Variants in SLC36A4 observed in about 807,000 individuals in gnomAD.
The protein encoded by SLC36A4 is neutral amino acid uniporter 4.
In SLC36A4, 49 loss-of-function variants were observed where a neutral mutation model predicts 50.5. The ratio of observed to expected loss-of-function variants is 0.97; its 90% CI spans 0.77 to 1.23. The LOEUF is 1.23. Ranked by LOEUF, SLC36A4 falls within the 50% of genes most tolerant of loss-of-function variation. The probability of loss-of-function intolerance (pLI) is 0.00; values close to 1 mark genes in which losing one functional copy is unlikely to be tolerated. For missense variants in SLC36A4, 611 were observed against 608.4 expected (o/e 1.00, Z -0.05); for synonymous variants, 207 against 206.5 (o/e 1.00, Z -0.02).
Position 93,148,009 on chromosome 11 carries a change from G to C in SLC36A4, c.*528C>G, listed in dbSNP as rs1859911363. 1 of 151,998 alleles carries C rather than the reference G, an allele frequency of 6.6e-6. No individual in the cohort carries two copies. The highest frequency in any genetic ancestry group is 2.1e-4 in the South Asian group (1 of 4,818). 9.4% of individuals were successfully genotyped at this position (151,998 alleles called of 1,614,324 possible). ...TGATGCTTATATTATGTTAATGGGAGTTTTCTATACTTCCAGGAGCCAATC... is the reference window on the plus strand; with the variant it reads ...TGATGCTTATATTATGTTAATGGGACTTTTCTATACTTCCAGGAGCCAATC... On this transcript the variant is annotated 3_prime_UTR_variant, in exon 11 of 11. Coordinates refer to ENST00000326402, the MANE Select transcript of SLC36A4 (RefSeq NM_152313.4).
chr11:93,186,807 T>C (rs1031618638), intron 1 of SLC36A4, among the ~76,000 whole-genome samples: 3 of 152,190 alleles, frequency 2.0e-5, no homozygotes, highest in South Asian at 4.1e-4. Flanking sequence ...CTGGAAGAAG[T>C]ACATCTTCTT....
At chr11:93,196,626 C>T (rs1862441776) in intron 1 of SLC36A4, among the ~76,000 whole-genome samples, 1 of 152,216 alleles carries the variant, frequency 6.6e-6, no homozygotes, top group Middle Eastern at 3.2e-3. Context: ...GCCTCAGCCT[C>T]CCAAAGTGCT....
At chr11:93,182,922 T>A in intron 3 of SLC36A4, 28 bp from the exon 4 acceptor site, 1 of 1,490,424 alleles carries the variant, frequency 6.7e-7, no homozygotes, top group Non-Finnish European at 9.3e-7. Context: ...TTATAAGGTT[T>A]AAATATTTAA....
chr11:93,161,009 T>G (rs1411226984), intron 9 of SLC36A4, among the ~76,000 whole-genome samples: 1 of 152,072 alleles, frequency 6.6e-6, no homozygotes, highest in Non-Finnish European at 1.5e-5. Flanking sequence ...CTGGCTAATT[T>G]TTAAATTCTG....
intron 7 of SLC36A4, chr11:93,167,250 A>G (rs1860913482): frequency 6.6e-6 from 1 of 152,160 alleles, no homozygotes; most frequent in Admixed American, 6.6e-5. Flanking sequence ...GATTAATTAG[A>G]TCAGGAGTGA....
chr11:93,181,758 C>A lies in SLC36A4; in HGVS notation c.388G>T (p.Asp130Tyr), dbSNP rs1451675989. ...RFKKSTLGYSDTVSFAMEVSP... is the reference protein window; with the variant it reads ...RFKKSTLGYSYTVSFAMEVSP... The stretch of plus-strand genomic sequence containing the variant: ...ACTTCCATAGCAAAGCTCACAGTGT[C>A]ACTATAACCTAATGTTGACTTTTTA... Residue 130 changes from aspartate to tyrosine, a missense_variant, in exon 5 of 11, where the codon GAC (aspartate) becomes TAC (tyrosine). Physicochemically the swap from Asp to Tyr is radical, Grantham distance 160. Transcript: ENST00000326402. 7 of 1,554,610 alleles carry A rather than the reference C, an allele frequency of 4.5e-6. No homozygotes were observed. In the South Asian group the frequency reaches 8.4e-5, roughly 19 times the overall value.
In SLC36A4 at chr11:93,150,366, A is replaced by G. The variant is rs191154244; in HGVS notation, c.1208-1522T>C. Among the ~76,000 whole-genome samples the G allele has an allele frequency of 1.3e-3, 191 of 152,126 alleles. 1 individual carries two copies. Among genetic ancestry groups the G allele is most frequent in the African/African-American group, 4.3e-3 (179 of 41,522 alleles). On this transcript the variant is annotated intron_variant, in intron 10 of 10. Coordinates refer to ENST00000326402, the MANE Select transcript of SLC36A4 (RefSeq NM_152313.4). Reference sequence around the variant, plus strand: ...TCTACTTCTTAATTTTCAATTTATGACGTTTTATTTTTTCCTTTTTCTATT... The same window carrying G: ...TCTACTTCTTAATTTTCAATTTATGGCGTTTTATTTTTTCCTTTTTCTATT...
chr11:93,150,799 A>G (rs1007424861), intron 10 of SLC36A4, among the ~76,000 whole-genome samples: 1 of 152,050 alleles, frequency 6.6e-6, no homozygotes, highest in Non-Finnish European at 1.5e-5. Flanking sequence ...TTGTGGAGAC[A>G]TGTTTGTTTC....
At chr11:93,183,379 C>T (rs1037273382) in intron 3 of SLC36A4, among the ~76,000 whole-genome samples, 3 of 152,016 alleles carry the variant, frequency 2.0e-5, no homozygotes, top group Admixed American at 6.6e-5. Flanking sequence ...AAATAAAATA[C>T]TTTAAATATT....
chr11:93,197,949 C>T lies in SLC36A4; in HGVS notation c.-117G>A. On this transcript the variant is annotated 5_prime_UTR_variant, in exon 1 of 11. Transcript: ENST00000326402. ...GGAGGGACCCGCGCCTGGTGCCCGC[C>T]TCCCTGCCCCGGCGCTCCCCAACCG... 1 of 1,078,530 alleles carries T rather than the reference C, an allele frequency of 9.3e-7. No individual in the cohort carries two copies. The highest frequency in any genetic ancestry group is 2.0e-5 in the South Asian group (1 of 51,270). 66.8% of individuals were successfully genotyped at this position (1,078,530 alleles called of 1,614,324 possible).
At chr11:93,178,382 C>G (rs1019977602) in intron 6 of SLC36A4, among the ~76,000 whole-genome samples, 2 of 152,146 alleles carry the variant, frequency 1.3e-5, no homozygotes, top group Non-Finnish European at 2.9e-5. Flanking sequence ...TTGGCTCACA[C>G]TCCATGGGCT....
rs533308607 is a variant in SLC36A4, at chr11:93,151,061, C to A, written c.1208-2217G>T. ...ATGAAGTATAATTCTCATCTAAAAT[C>A]TGTTTAAAGTCAGATTTTAAACATT... On this transcript the variant is annotated intron_variant, in intron 10 of 10. Coordinates refer to ENST00000326402, the MANE Select transcript of SLC36A4 (RefSeq NM_152313.4). 8.4e-4 allele frequency among the ~76,000 whole-genome samples: 127 copies of A among 152,080 alleles called. 1 individual carries two copies. Among genetic ancestry groups the A allele is most frequent in the Non-Finnish European group, 1.5e-3 (104 of 67,936 alleles).
rs145892088 is a variant in SLC36A4 at position 93,196,195 on chromosome 11, T to G, written c.55+1583A>C. 3.6e-3 allele frequency among the ~76,000 whole-genome samples: 546 copies of G among 152,340 alleles called. 10 individuals are homozygous for G. The highest frequency in any genetic ancestry group is 0.026 in the Admixed American group (405 of 15,302). ...ATGCTGAACATCTTTCCACATCACTTTTAATGGTAGGCAATGTAAAACTAT... is the reference window on the plus strand; with the variant it reads ...ATGCTGAACATCTTTCCACATCACTGTTAATGGTAGGCAATGTAAAACTAT... On this transcript the variant is annotated intron_variant, in intron 1 of 10. Coordinates refer to ENST00000326402, the MANE Select transcript of SLC36A4 (RefSeq NM_152313.4).
At position 93,170,167 on chromosome 11, in the gene SLC36A4, T is replaced by C. The variant is rs141718328; in HGVS notation, c.541-1996A>G. 752 of 152,138 alleles carry C rather than the reference T, an allele frequency of 4.9e-3. 7 individuals carry two copies. Among genetic ancestry groups the C allele is most frequent in the African/African-American group, 0.017 (722 of 41,512 alleles). The allele number at this position is 152,138 out of a possible 1,614,324, so 9.4% of individuals were successfully genotyped here. On this transcript the variant is annotated intron_variant, in intron 6 of 10. Coordinates refer to ENST00000326402, the MANE Select transcript of SLC36A4 (RefSeq NM_152313.4). Reference sequence around the variant, plus strand: ...CTTTGGTGCCCTCTAGAGACAGAGATTGGCTATCTAATAGGACTTCCTACG... The same window carrying C: ...CTTTGGTGCCCTCTAGAGACAGAGACTGGCTATCTAATAGGACTTCCTACG...
At chr11:93,187,764 T>C (rs1862052148) in intron 1 of SLC36A4, among the ~76,000 whole-genome samples, 1 of 152,134 alleles carries the variant, frequency 6.6e-6, no homozygotes, top group Non-Finnish European at 1.5e-5. Context: ...TGTCTTCTAG[T>C]TCTCTTTCAT....
chr11:93,176,610 C>T (rs930998370), intron 6 of SLC36A4, among the ~76,000 whole-genome samples: 10 of 151,822 alleles, frequency 6.6e-5, no homozygotes, highest in East Asian at 3.9e-4. Flanking sequence ...CCATGTTTAG[C>T]GCTTCCTTCA....
chr11:93,173,252 A>C (rs1233819060), intron 6 of SLC36A4, among the ~76,000 whole-genome samples: 1 of 150,490 alleles, frequency 6.6e-6, no homozygotes, highest in African/African-American at 2.4e-5. Context: ...TTCTTTTGAG[A>C]AGTGTCCGTT....
intron 6 of SLC36A4, among the ~76,000 whole-genome samples, chr11:93,176,156 GGATA>G (rs1861459991): frequency 6.6e-6 from 1 of 151,442 alleles, no homozygotes; most frequent in African/African-American, 2.4e-5. Context: ...TATATATTTA[GGATA>G]GTTAGCTCTT....
chr11:93,163,821 T>C (rs1032959107), intron 8 of SLC36A4, among the ~76,000 whole-genome samples: 2 of 136,872 alleles, frequency 1.5e-5, no homozygotes, highest in African/African-American at 2.6e-5. Flanking sequence ...CATGACCCTA[T>C]GTATTTTTTT....
Sources: gnomAD v4.1 joint callset for allele counts (sites outside exome capture counted in the v4.1 genomes callset) on GRCh38, gnomAD v4.1.1 for gene constraint, MANE v1.5 for transcripts, NCBI Gene and HGNC (gene_info 2026-07-23, HGNC 2026-07-21) for gene names.